Variants in ABR observed in about 807,000 individuals in gnomAD.
The protein encoded by ABR is active breakpoint cluster region-related protein.
Under a neutral mutation model 107.2 loss-of-function variants are expected in ABR, and 35 were observed. The observed-to-expected ratio is 0.33, with a 90% confidence interval of 0.25 to 0.43. The LOEUF (loss-of-function observed/expected upper bound fraction) is 0.43, where lower values mean the gene tolerates loss of function less well. Among genes scored for constraint, ABR ranks in the 20% least tolerant of loss-of-function variants. ABR has a pLI of 1.00. For synonymous variants in ABR, 498 were observed against 462.0 expected (o/e 1.08, Z -1.00); for missense variants, 815 against 1,115.2 (o/e 0.73, Z 3.83).
intron 1 of ABR, among the ~76,000 whole-genome samples, chr17:1,149,490 T>C (rs1272986237): frequency 6.6e-6 from 1 of 150,928 alleles, no homozygotes; most frequent in East Asian, 2.0e-4. Flanking sequence ...GGTGGTGTGA[T>C]CTCAGCAACT....
rs1452762127 is a variant in ABR, at chr17:1,050,110, G to A, written c.1731C>T (p.Thr577=). 9.9e-6 allele frequency: 16 copies of A among 1,613,978 alleles called. No homozygotes were observed. Among genetic ancestry groups the A allele is most frequent in the Non-Finnish European group, 1.4e-5 (16 of 1,180,032 alleles). ...TCTCATTGTTGTCCTTGTTGACCTTGGTCTTGTCATAGCACTTCTCATAGC... is the reference window on the plus strand; with the variant it reads ...TCTCATTGTTGTCCTTGTTGACCTTAGTCTTGTCATAGCACTTCTCATAGC... ...ILCYEKCYDK[T]KVNKDNNEIV... Residue 577 remains threonine, a synonymous_variant, in exon 16 of 23, where the codon ACC becomes ACT. Coordinates refer to ENST00000302538, the MANE Select transcript of ABR (RefSeq NM_021962.5). This position sits in a 1 kb window ranked among gnomAD's most constrained non-coding sequence, Gnocchi z 4.6.
intron 6 of ABR, chr17:1,079,123 G>A: frequency 1.4e-6 from 2 of 1,436,460 alleles, no homozygotes; most frequent in South Asian, 1.5e-5. Flanking sequence ...GTTTGTAGCT[G>A]GCTGGCTGCC....
chr17:1,065,765 T>TTG (rs1186335658), intron 10 of ABR, among the ~76,000 whole-genome samples: 2 of 90,092 alleles, frequency 2.2e-5, no homozygotes, highest in South Asian at 7.3e-4. Flanking sequence ...TTTTTTTTTT[T>TTG]GAGACAGTCT....
At position 1,010,535 on chromosome 17, in the gene ABR, A is replaced by G; in HGVS notation, c.2236+194T>C. 2.9e-6 allele frequency: 2 copies of G among 678,272 alleles called. No homozygotes were observed. Among genetic ancestry groups the G allele is most frequent in the South Asian group, 3.9e-5 (2 of 50,766 alleles). 42.0% of individuals were successfully genotyped at this position (678,272 alleles called of 1,614,324 possible). On this transcript the variant is annotated intron_variant, in intron 20 of 22. Transcript: ENST00000302538. This position sits in a 1 kb window ranked among gnomAD's most constrained non-coding sequence, Gnocchi z 4.1. Reference sequence around the variant, plus strand: ...CATCAGGGGCAAGAGGCAGGCGAGAAAGGGCCCAGTGTCTGCACCAGGTCC... The same window carrying G: ...CATCAGGGGCAAGAGGCAGGCGAGAGAGGGCCCAGTGTCTGCACCAGGTCC...
At chr17:1,180,006 GT>G (rs2042072126), upstream of ABR, 1 of 249,286 alleles carries the variant, frequency 4.0e-6, no homozygotes, top group Non-Finnish European at 7.5e-6. Context: ...CGGGGCGGGG[GT>G]GGGGCTTCGT....
chr17:1,043,085 G>C (rs542908047), intron 16 of ABR, among the ~76,000 whole-genome samples: 14 of 152,292 alleles, frequency 9.2e-5, no homozygotes, highest in African/African-American at 3.4e-4. Context: ...GTTTCGGCTG[G>C]GGAGGGCCAA....
chr17:1,054,725 G>T (rs2033060261), intron 14 of ABR, among the ~76,000 whole-genome samples: 1 of 143,258 alleles, frequency 7.0e-6, no homozygotes, highest in Non-Finnish European at 1.6e-5. Flanking sequence ...AACCTGAGGG[G>T]ATGGGGGCAC....
At chr17:1,031,302 C>A (rs958953130) in intron 16 of ABR, among the ~76,000 whole-genome samples, 4 of 152,302 alleles carry the variant, frequency 2.6e-5, no homozygotes, top group African/African-American at 9.6e-5. Flanking sequence ...GGCGTCTCCC[C>A]GTGCGCTGTT....
chr17:1,009,369 G>GTTT (rs1354663537), intron 21 of ABR, among the ~76,000 whole-genome samples: 1 of 151,730 alleles, frequency 6.6e-6, no homozygotes, highest in Non-Finnish European at 1.5e-5. Flanking sequence ...CCTGCCTGTA[G>GTTT]TCCTGGGCTC....
Position 1,101,709 on chromosome 17 carries a change from C to G in ABR, c.247-974G>C, listed in dbSNP as rs77946045. Among the ~76,000 whole-genome samples the G allele has an allele frequency of 3.6e-3, 548 of 151,778 alleles. 21 individuals are homozygous for G. In the East Asian group the frequency reaches 0.085, roughly 24 times the overall value. On this transcript the variant is annotated intron_variant, in intron 2 of 22. Transcript: ENST00000302538. ...CCCCTGTTCTCAAGTGGCTTAGACTCTAGTGGGAAAGACATTTATTTTTTC... is the reference window on the plus strand; with the variant it reads ...CCCCTGTTCTCAAGTGGCTTAGACTGTAGTGGGAAAGACATTTATTTTTTC...
chr17:1,072,339 A>G (rs1442071274), intron 8 of ABR, among the ~76,000 whole-genome samples: 1 of 152,154 alleles, frequency 6.6e-6, no homozygotes, highest in African/African-American at 2.4e-5. Context: ...AGGATTGGAG[A>G]GGCAGGAGGC....
intron 3 of ABR, among the ~76,000 whole-genome samples, chr17:1,093,234 C>T (rs2037157918): frequency 6.6e-6 from 1 of 151,778 alleles, no homozygotes; most frequent in South Asian, 2.1e-4. Flanking sequence ...TTTGGGAGGC[C>T]GAGGCAGGTA....
At chr17:1,199,131 C>T (rs1254031984) in intron 1 of ABR, among the ~76,000 whole-genome samples, 5 of 149,476 alleles carry the variant, frequency 3.3e-5, no homozygotes, top group Non-Finnish European at 7.4e-5. Flanking sequence ...CTGAGGGGGC[C>T]GGGGAAGGTG....
chr17:1,134,082 C>T (rs1440411289), intron 1 of ABR, among the ~76,000 whole-genome samples: 1 of 152,168 alleles, frequency 6.6e-6, no homozygotes, highest in Admixed American at 6.6e-5. Context: ...GAGTTCGAGA[C>T]CAGCCTGGGC....
At chr17:1,177,864 C>G (rs1156710896) in intron 1 of ABR, 1 of 152,298 alleles carries the variant, frequency 6.6e-6, no homozygotes, top group Non-Finnish European at 1.5e-5. Flanking sequence ...ATGTGTGCCC[C>G]CATTCATGCA....
chr17:1,108,905 C>T (rs200103625), intron 2 of ABR: 4 of 1,564,338 alleles, frequency 2.6e-6, no homozygotes, highest in East Asian at 2.5e-5. Context: ...CCGGCCCCCC[C>T]CAGCGCCCAG....
intron 1 of ABR, among the ~76,000 whole-genome samples, chr17:1,221,257 G>A (rs2043115629): frequency 6.6e-6 from 1 of 152,204 alleles, no homozygotes; most frequent in Admixed American, 6.5e-5. Context: ...TGACTAAGGA[G>A]ATAAAAACAG....
At chr17:1,212,898 AAG>A (rs577008803) in intron 1 of ABR, among the ~76,000 whole-genome samples, 2 of 152,076 alleles carry the variant, frequency 1.3e-5, no homozygotes, top group East Asian at 1.9e-4. Context: ...AAAAAAAAAA[AAG>A]AGAGAGAGAG....
At chr17:1,168,391 C>G (rs144120979) in intron 1 of ABR, among the ~76,000 whole-genome samples, 1 of 152,176 alleles carries the variant, frequency 6.6e-6, no homozygotes, top group Non-Finnish European at 1.5e-5. Context: ...GGCCAGTGCT[C>G]GAATCAGGCC....
Sources: gnomAD v4.1 joint callset for allele counts (sites outside exome capture counted in the v4.1 genomes callset) on GRCh38, gnomAD v4.1.1 for gene constraint, Gnocchi (gnomAD v3.1) non-coding constraint, MANE v1.5 for transcripts, NCBI Gene and HGNC (gene_info 2026-07-23, HGNC 2026-07-21) for gene names.